ATRNL1: variants seen among roughly 807,000 people sequenced by gnomAD.
The protein encoded by ATRNL1 is attractin like 1, also known as attractin-like protein 1.
In ATRNL1, 95 loss-of-function variants were observed where a neutral mutation model predicts 182.7. The observed-to-expected ratio is 0.52, with a 90% CI of 0.44 to 0.62. The LOEUF is 0.62. Ranked by LOEUF, ATRNL1 falls within the 20% of genes least tolerant of loss-of-function variation. The pLI is 0.00. For missense variants in ATRNL1, 1,471 were observed against 1,679.5 expected, an observed-to-expected ratio of 0.88 and a Z score of 2.17; for synonymous variants, 576 against 568.3, an observed-to-expected ratio of 1.01 and a Z score of -0.19.
At chr10:115,727,622 A>C (rs1265641147) in intron 27 of ATRNL1, among the ~76,000 whole-genome samples, 1 of 152,172 alleles carries the variant, frequency 6.6e-6, no homozygotes, top group South Asian at 2.1e-4. Context: ...GAGCTGAGGG[A>C]ATTTAAGATA....
At chr10:115,565,416 G>A (rs1418961470) in intron 26 of ATRNL1, among the ~76,000 whole-genome samples, 2 of 152,084 alleles carry the variant, frequency 1.3e-5, no homozygotes, top group Non-Finnish European at 2.9e-5. Flanking sequence ...TTGTGTGTGT[G>A]TGTAACTGCT....
intron 28 of ATRNL1, among the ~76,000 whole-genome samples, chr10:115,887,762 C>G (rs1349787807): frequency 2.0e-5 from 3 of 151,744 alleles, no homozygotes; most frequent in Admixed American, 1.3e-4. Flanking sequence ...AAACCTTCCT[C>G]TACTTTACCC....
chr10:115,197,429 T>A (rs906298180), intron 8 of ATRNL1, among the ~76,000 whole-genome samples: 8 of 152,142 alleles, frequency 5.3e-5, no homozygotes, highest in African/African-American at 1.7e-4. Flanking sequence ...AGAATTGATA[T>A]TATTTCTGTC....
At chr10:115,649,508 AGCCTTCTGTCCC>A (rs1473696193) in intron 26 of ATRNL1, among the ~76,000 whole-genome samples, 2 of 152,124 alleles carry the variant, frequency 1.3e-5, no homozygotes, top group Non-Finnish European at 2.9e-5. Context: ...AGAGCATTTG[AGCCTTCTGTCCC>A]GGTTCTATCC....
At chr10:115,818,938 T>G (rs2960665) in intron 27 of ATRNL1, among the ~76,000 whole-genome samples, 118,385 of 152,060 alleles carry the variant, frequency 0.78, 46,248 homozygotes, top group African/African-American at 0.84. Flanking sequence ...CAAGAAAACC[T>G]GCAATTACAG....
intron 28 of ATRNL1, among the ~76,000 whole-genome samples, chr10:115,912,205 T>C (rs1952701424): frequency 6.6e-6 from 1 of 152,106 alleles, no homozygotes; most frequent in Non-Finnish European, 1.5e-5. Flanking sequence ...TGATAAACCA[T>C]TGATTGTTGA....
intron 28 of ATRNL1, among the ~76,000 whole-genome samples, chr10:115,902,297 T>A (rs1952378277): frequency 6.6e-6 from 1 of 152,176 alleles, no homozygotes; most frequent in Non-Finnish European, 1.5e-5. Flanking sequence ...CTTGATGTAC[T>A]TTTTTATGTG....
chr10:115,233,226 A>G (rs984858789), intron 9 of ATRNL1, among the ~76,000 whole-genome samples: 2 of 152,268 alleles, frequency 1.3e-5, no homozygotes, highest in East Asian at 1.9e-4. Flanking sequence ...TAACTTAACT[A>G]TCTGCAAAGA....
chr10:115,376,103 G>A (rs1459231049), intron 19 of ATRNL1, among the ~76,000 whole-genome samples: 2 of 151,906 alleles, frequency 1.3e-5, no homozygotes, highest in Non-Finnish European at 2.9e-5. Context: ...CTTTGCTGAT[G>A]TAAAAGTCTT....
At chr10:115,257,341 G>A (rs1369013950) in intron 10 of ATRNL1, among the ~76,000 whole-genome samples, 1 of 152,190 alleles carries the variant, frequency 6.6e-6, no homozygotes, top group African/African-American at 2.4e-5. Context: ...ATTTATCATA[G>A]TTAGCTCTTC....
At chr10:115,597,185 T>G (rs1207040274) in intron 26 of ATRNL1, among the ~76,000 whole-genome samples, 3 of 152,176 alleles carry the variant, frequency 2.0e-5, no homozygotes, top group Non-Finnish European at 2.9e-5. Flanking sequence ...TTTACTAAAA[T>G]TTTTTCCTCA....
At chr10:115,828,369 G>T (rs1238044396) in intron 27 of ATRNL1, among the ~76,000 whole-genome samples, 2 of 152,174 alleles carry the variant, frequency 1.3e-5, no homozygotes, top group Non-Finnish European at 2.9e-5. Context: ...CTGATGCAAG[G>T]CTTGGAAGAG....
intron 21 of ATRNL1, among the ~76,000 whole-genome samples, chr10:115,454,966 C>T (rs1847452500): frequency 6.6e-6 from 1 of 152,196 alleles, no homozygotes; most frequent in Admixed American, 6.6e-5. Context: ...GACATCCCTT[C>T]CTTGTTCTGG....
At chr10:115,134,700 C>T (rs1436932917) in intron 5 of ATRNL1, among the ~76,000 whole-genome samples, 5 of 152,260 alleles carry the variant, frequency 3.3e-5, no homozygotes, top group East Asian at 3.9e-4. Flanking sequence ...CCAGCATCAT[C>T]CTGATACCAA....
chr10:115,745,665 CTG>C (rs1555068960), intron 27 of ATRNL1, among the ~76,000 whole-genome samples: 1 of 152,118 alleles, frequency 6.6e-6, no homozygotes, highest in African/African-American at 2.4e-5. Context: ...ATTCTAATGA[CTG>C]TGTGATGGTA....
At chr10:115,717,548 CTTT>C (rs61386440) in intron 26 of ATRNL1, among the ~76,000 whole-genome samples, 22 of 84,348 alleles carry the variant, frequency 2.6e-4, no homozygotes, top group South Asian at 5.2e-4. Context: ...CTGAAATGTT[CTTT>C]TTTTTTTTTT....
At chr10:115,590,052 T>C (rs2804199) in intron 26 of ATRNL1, among the ~76,000 whole-genome samples, 44,217 of 152,082 alleles carry the variant, frequency 0.29, 7,647 homozygotes, top group East Asian at 0.68. Context: ...GGCAAAATAA[T>C]ACAATGTTGT....
At chr10:115,313,164 G>A (rs1854120180) in intron 17 of ATRNL1, among the ~76,000 whole-genome samples, 1 of 125,614 alleles carries the variant, frequency 8.0e-6, no homozygotes, top group Admixed American at 8.9e-5. Context: ...ATCTATTGCT[G>A]AAGAGCTAGT....
At chr10:115,530,948 G>A (rs1851540930) in intron 25 of ATRNL1, among the ~76,000 whole-genome samples, 1 of 151,966 alleles carries the variant, frequency 6.6e-6, no homozygotes, top group African/African-American at 2.4e-5. Context: ...TCCCTACAAA[G>A]GGCATGAACT....
Sources: allele counts gnomAD v4.1 joint callset (sites outside exome capture counted in the v4.1 genomes callset), GRCh38; gene constraint gnomAD v4.1.1; transcripts MANE v1.5; gene names NCBI Gene and HGNC (gene_info 2026-07-23, HGNC 2026-07-21).